The following NELL1 variants were observed in gnomAD, a reference collection of about 807,000 sequenced individuals.
NELL1 encodes protein kinase C-binding protein NELL1.
Under a neutral mutation model 107.4 loss-of-function variants are expected in NELL1, and 76 were observed. The ratio of observed to expected loss-of-function variants is 0.71; its 90% CI spans 0.59 to 0.86. The LOEUF is 0.86. NELL1 is among the 40% of genes least tolerant of loss of function. The pLI, the probability that NELL1 is intolerant of heterozygous loss-of-function variation, is 0.00. For synonymous variants in NELL1, 353 were observed against 341.2 expected, an observed-to-expected ratio of 1.03 and a Z score of -0.38; for missense variants, 1,024 against 1,005.5, an observed-to-expected ratio of 1.02 and a Z score of -0.25.
chr11:20,811,471 C>T (rs1006425836), intron 3 of NELL1, among the ~76,000 whole-genome samples: 3 of 151,632 alleles, frequency 2.0e-5, no homozygotes, highest in African/African-American at 7.3e-5. Context: ...TTTTCTATGT[C>T]TGTGAAGAAT....
At chr11:20,786,763 C>T (rs905174778) in intron 3 of NELL1, among the ~76,000 whole-genome samples, 2 of 151,990 alleles carry the variant, frequency 1.3e-5, no homozygotes, top group Admixed American at 6.6e-5. Flanking sequence ...AATCCCAGCA[C>T]TTTGGGAGGC....
chr11:20,691,351 T>G (rs1854460704), intron 2 of NELL1, among the ~76,000 whole-genome samples: 1 of 150,920 alleles, frequency 6.6e-6, no homozygotes, highest in Non-Finnish European at 1.5e-5. Context: ...AGGGCATCCC[T>G]GTCTTGTACC....
chr11:21,479,907 GT>G (rs1854448790), intron 15 of NELL1, among the ~76,000 whole-genome samples: 1 of 34,544 alleles, frequency 2.9e-5, no homozygotes, highest in Non-Finnish European at 5.6e-5. Context: ...CCACAGTCTT[GT>G]CTTTTTTTCC....
intron 12 of NELL1, among the ~76,000 whole-genome samples, chr11:20,964,223 C>T (rs1253319320): frequency 6.6e-6 from 1 of 152,022 alleles, no homozygotes; most frequent in Non-Finnish European, 1.5e-5. Flanking sequence ...GTTTCTGATG[C>T]ATTAGGAGTA....
chr11:21,363,972 T>TG (rs2133742432), intron 14 of NELL1, among the ~76,000 whole-genome samples: 1 of 152,318 alleles, frequency 6.6e-6, no homozygotes, highest in African/African-American at 2.4e-5. Context: ...TGCAGAGGCC[T>TG]GGATAATAAA....
At chr11:20,982,235 G>A (rs137988412) in intron 12 of NELL1, among the ~76,000 whole-genome samples, 1,594 of 152,186 alleles carry the variant, frequency 0.01, 7 homozygotes, top group Non-Finnish European at 0.015. Flanking sequence ...GAGAATTCAC[G>A]TTCACTCAAA....
At chr11:20,716,752 T>C (rs1397656647) in intron 2 of NELL1, among the ~76,000 whole-genome samples, 1 of 152,234 alleles carries the variant, frequency 6.6e-6, no homozygotes, top group Non-Finnish European at 1.5e-5. Context: ...CTTCACTTCA[T>C]TTTTACCATT....
chr11:21,269,350 C>CCTCTCTCTCTCTCTCTCT (rs67054627), intron 14 of NELL1, among the ~76,000 whole-genome samples: 1 of 147,558 alleles, frequency 6.8e-6, no homozygotes, highest in Admixed American at 6.8e-5. Context: ...TTGCCAAATC[C>CCTCTCTCTCTCTCTCTCT]CTCTCTCTCT....
chr11:20,929,144 A>G (rs1174056245), intron 9 of NELL1, among the ~76,000 whole-genome samples: 8 of 152,212 alleles, frequency 5.3e-5, no homozygotes, highest in African/African-American at 1.7e-4. Flanking sequence ...GAGGTGAGAC[A>G]GAAAACTAGT....
intron 3 of NELL1, among the ~76,000 whole-genome samples, chr11:20,801,976 G>T (rs1197780789): frequency 6.6e-6 from 1 of 152,144 alleles, no homozygotes; most frequent in East Asian, 1.9e-4. Flanking sequence ...TGCCATTTGG[G>T]TTACTATAGC....
chr11:21,486,472 A>C (rs1292061039), intron 15 of NELL1, among the ~76,000 whole-genome samples: 1 of 152,230 alleles, frequency 6.6e-6, no homozygotes, highest in Non-Finnish European at 1.5e-5. Flanking sequence ...CATCTTCAGC[A>C]AAAAGCCTTC....
intron 14 of NELL1, among the ~76,000 whole-genome samples, chr11:21,300,082 GAAAACAAAAC>G (rs955719260): frequency 1.3e-5 from 2 of 151,878 alleles, no homozygotes; most frequent in Non-Finnish European, 2.9e-5. Context: ...AGGAAGAAAG[GAAAACAAAAC>G]AAAACAAAAC....
chr11:20,844,107 C>G (rs1380224579), intron 3 of NELL1, among the ~76,000 whole-genome samples: 1 of 152,212 alleles, frequency 6.6e-6, no homozygotes, highest in Admixed American at 6.5e-5. Context: ...GATAGTGTCA[C>G]TGTACTTTGC....
chr11:21,403,075 G>A (rs560988924), intron 15 of NELL1, among the ~76,000 whole-genome samples: 5 of 151,842 alleles, frequency 3.3e-5, no homozygotes, highest in African/African-American at 1.2e-4. Context: ...TGCTGCTGAG[G>A]TGGATGTTAC....
chr11:21,359,203 T>A (rs1173154273), intron 14 of NELL1, among the ~76,000 whole-genome samples: 1 of 152,198 alleles, frequency 6.6e-6, no homozygotes, highest in South Asian at 2.1e-4. Context: ...CACTGAATTT[T>A]GTCAGATAAT....
At chr11:20,744,921 C>A (rs1855970121) in intron 2 of NELL1, among the ~76,000 whole-genome samples, 1 of 152,186 alleles carries the variant, frequency 6.6e-6, no homozygotes, top group Non-Finnish European at 1.5e-5. Flanking sequence ...TTGCCCAGAT[C>A]TTCACAAGTC....
At chr11:20,748,927 T>C (rs981889679) in intron 2 of NELL1, among the ~76,000 whole-genome samples, 5 of 144,222 alleles carry the variant, frequency 3.5e-5, no homozygotes, top group African/African-American at 1.4e-4. Context: ...CATCCATCCA[T>C]CCATCCATCC....
intron 12 of NELL1, among the ~76,000 whole-genome samples, chr11:20,977,893 A>G (rs983263150): frequency 2.0e-5 from 3 of 152,204 alleles, no homozygotes; most frequent in African/African-American, 7.2e-5. Context: ...ATTATACTCC[A>G]GTAAAATATT....
intron 3 of NELL1, among the ~76,000 whole-genome samples, chr11:20,811,588 T>A (rs960316252): frequency 6.6e-6 from 1 of 152,120 alleles, no homozygotes; most frequent in Admixed American, 6.5e-5. Context: ...TGTCCTTCCA[T>A]TTTTTTGTGT....
Sources: allele counts gnomAD v4.1 joint callset (sites outside exome capture counted in the v4.1 genomes callset), GRCh38; gene constraint gnomAD v4.1.1; transcripts MANE v1.5; gene names NCBI Gene and HGNC (gene_info 2026-07-23, HGNC 2026-07-21).